Variants in ZNF3 observed in about 807,000 individuals in gnomAD.
The protein encoded by ZNF3 is C2-H2 type zinc finger protein.
Under a neutral mutation model 36.9 loss-of-function variants are expected in ZNF3, and 16 were observed. The observed-to-expected ratio is 0.43, with a 90% CI of 0.29 to 0.66. The LOEUF (loss-of-function observed/expected upper bound fraction) is 0.66, where lower values mean the gene tolerates loss of function less well. ZNF3 is among the 30% of genes least tolerant of loss of function. ZNF3 has a pLI of 0.13. For missense variants in ZNF3, 462 were observed against 543.1 expected (o/e 0.85, Z 1.48); for synonymous variants, 201 against 201.9 (o/e 1.00, Z 0.04).
upstream of ZNF3, among the ~76,000 whole-genome samples, chr7:100,082,098 A>G (rs1795066656): frequency 6.6e-6 from 1 of 152,220 alleles, no homozygotes; most frequent in Non-Finnish European, 1.5e-5. Flanking sequence ...CAGTAAACAT[A>G]CAATTATTGA....
downstream of ZNF3, among the ~76,000 whole-genome samples, chr7:100,068,180 G>T (rs1197579530): frequency 6.6e-6 from 1 of 152,054 alleles, no homozygotes; most frequent in Non-Finnish European, 1.5e-5. Context: ...TCTGCCTCCT[G>T]GGTTCAAGTG....
At chr7:100,073,096 G>A (rs1053301643) in intron 5 of ZNF3, among the ~76,000 whole-genome samples, 4 of 152,156 alleles carry the variant, frequency 2.6e-5, no homozygotes, top group African/African-American at 9.7e-5. Flanking sequence ...GATGGTGGCA[G>A]GATTCAGAAA....
exon 6 of ZNF3, chr7:100,064,232 A>T (rs771203874): frequency 7.4e-5 from 119 of 1,614,044 alleles, no homozygotes; most frequent in Non-Finnish European, 9.7e-5. Flanking sequence ...CAGAGCTCAG[A>T]CCTTCTTAAA....
chr7:100,067,895 G>T (rs1792727842), downstream of ZNF3, among the ~76,000 whole-genome samples: 1 of 152,166 alleles, frequency 6.6e-6, no homozygotes, highest in South Asian at 2.1e-4. Flanking sequence ...GGAGGATGAG[G>T]AGTATAATCA....
At chr7:100,064,722 A>G (rs1792551902) in exon 6 of ZNF3, 4 of 1,611,826 alleles carry the variant, frequency 2.5e-6, no homozygotes, top group African/African-American at 1.3e-5. Context: ...TAGAGTTTGT[A>G]TCACTCAACA....
chr7:100,077,115 C>A, intron 3 of ZNF3, 188 bp downstream of exon 3: 1 of 616,520 alleles, frequency 1.6e-6, no homozygotes, highest in Non-Finnish European at 2.8e-6. Context: ...AATTATCAAA[C>A]CTATCAAGCT....
rs371809963 is a variant in ZNF3 at position 100,064,085 on chromosome 7, G to C, written c.*703C>G. On this transcript the variant is annotated 3_prime_UTR_variant, in exon 6 of 6. Coordinates refer to the ZNF3 transcript ENST00000413658. The stretch of plus-strand genomic sequence containing the variant: ...AGCTCAAATCTCACCAAACACAGGA[G>C]AACACACACTGGGGAGAAACCTTAC... The C allele has an allele frequency of 9.3e-6, 15 of 1,614,064 alleles. No individual in the cohort carries two copies. In the Admixed American group the frequency reaches 1.0e-4, roughly 11 times the overall value.
downstream of ZNF3, among the ~76,000 whole-genome samples, chr7:100,068,121 C>CT (rs1310685068): frequency 6.6e-6 from 1 of 152,010 alleles, no homozygotes; most frequent in East Asian, 2.0e-4. Flanking sequence ...CAGTCTCGCT[C>CT]TGTCACCCAG....
chr7:100,082,422 A>G (rs560474630), upstream of ZNF3: 110 of 152,418 alleles, frequency 7.2e-4, no homozygotes, highest in Middle Eastern at 6.8e-3. Flanking sequence ...CGTCTCGACT[A>G]AAAATACAAA....
chr7:100,071,004 C>T lies in ZNF3; in HGVS notation c.*139G>A, dbSNP rs540579930. The T allele has an allele frequency of 1.1e-4, 163 of 1,461,270 alleles. No individual in the cohort carries two copies. Among genetic ancestry groups the T allele is most frequent in the Non-Finnish European group, 1.4e-4 (156 of 1,111,222 alleles). 90.5% of individuals were successfully genotyped at this position (1,461,270 alleles called of 1,614,324 possible). On this transcript the variant is annotated 3_prime_UTR_variant, in exon 6 of 6. Transcript: ENST00000299667. ...TGGTGTGATTTCTGGGAAAATTCAACGATTTGCCCCATCTGCCCCATTCTC... is the reference window on the plus strand; with the variant it reads ...TGGTGTGATTTCTGGGAAAATTCAATGATTTGCCCCATCTGCCCCATTCTC...
At chr7:100,067,670 G>A (rs188693977), downstream of ZNF3, among the ~76,000 whole-genome samples, 783 of 152,196 alleles carry the variant, frequency 5.1e-3, 5 homozygotes, top group African/African-American at 0.018. Flanking sequence ...CCAGAGTGCT[G>A]AGATTACAGG....
Position 100,070,656 on chromosome 7 carries a change from A to G in ZNF3, c.*487T>C, listed in dbSNP as rs904221050. The G allele has an allele frequency of 4.0e-6, 4 of 990,270 alleles. No individual in the cohort carries two copies. The African/African-American group carries it at 5.2e-5, about 13-fold the overall frequency. The allele number at this position is 990,270 out of a possible 1,614,324, so 61.3% of individuals were successfully genotyped here. On this transcript the variant is annotated 3_prime_UTR_variant, in exon 6 of 6. Coordinates refer to ENST00000299667, the MANE Select transcript of ZNF3 (RefSeq NM_032924.5). ...CCAAATTTCCATAATTAACGAAATCATGAAACAAAACAGCATGTTTCTTAC... is the reference window on the plus strand; with the variant it reads ...CCAAATTTCCATAATTAACGAAATCGTGAAACAAAACAGCATGTTTCTTAC...
At chr7:100,075,705 A>T in intron 3 of ZNF3, 75 bp from the exon 4 acceptor site, 1 of 1,445,454 alleles carries the variant, frequency 6.9e-7, no homozygotes, top group Non-Finnish European at 9.6e-7. Context: ...TTCCCAACCC[A>T]CAGAAAGCTC....
Position 100,075,339 on chromosome 7 carries a change from G to A in ZNF3, c.145-78C>T, listed in dbSNP as rs186645590. 7 of 1,610,886 alleles carry A rather than the reference G, an allele frequency of 4.3e-6. No individual in the cohort carries two copies. The East Asian group carries it at 1.6e-4, about 36-fold the overall frequency. On this transcript the variant is annotated intron_variant, in intron 4 of 5. Transcript: ENST00000299667. The stretch of plus-strand genomic sequence containing the variant: ...GCACCAAAAAAATCACTGAGGATGG[G>A]GTGAAAAATGCACATTTGGGAAGGG...
chr7:100,067,336 A>C (rs1170150911), downstream of ZNF3, among the ~76,000 whole-genome samples: 1 of 152,130 alleles, frequency 6.6e-6, no homozygotes, highest in African/African-American at 2.4e-5. Context: ...TAAGAAATTC[A>C]TTTTAACACA....
At position 100,073,410 on chromosome 7, in the gene ZNF3, G is replaced by A. The variant is rs545301112; in HGVS notation, c.272-1198C>T. 1.8e-4 allele frequency among the ~76,000 whole-genome samples: 27 copies of A among 152,168 alleles called. No homozygotes were observed. The East Asian group carries it at 3.7e-3, about 21-fold the overall frequency. Reference sequence around the variant, plus strand: ...ATCGCCCAGGATGGAGTGCAGTGGCGTGTTCTTGGCTAACTGCAACCTCCA... The same window carrying A: ...ATCGCCCAGGATGGAGTGCAGTGGCATGTTCTTGGCTAACTGCAACCTCCA... On this transcript the variant is annotated intron_variant, in intron 5 of 5. Transcript: ENST00000299667.
rs149908058 is a variant in ZNF3, at chr7:100,071,665, C to G, written c.819G>C (p.Leu273=). 9.5e-5 allele frequency: 154 copies of G among 1,613,576 alleles called. 1 individual carries two copies. The African/African-American group carries it at 1.7e-3, about 18-fold the overall frequency. ...KTFSCSSALI[L]HRRIHTGEKP... is the part of the protein sequence containing the mutation. ...TCTCCCCCGTGTGGATCCTCCGATG[C>G]AGAATGAGGGCAGAGCTACAGCTGA... Residue 273 remains leucine, a synonymous_variant, in exon 6 of 6, where the codon CTG becomes CTC. Coordinates refer to ENST00000299667, the MANE Select transcript of ZNF3 (RefSeq NM_032924.5).
chr7:100,078,366 T>C (rs2116439494), intron 2 of ZNF3, among the ~76,000 whole-genome samples: 1 of 150,972 alleles, frequency 6.6e-6, no homozygotes. Flanking sequence ...CATGGTGGTG[T>C]GTGCCTGTAA....
chr7:100,072,255 AG>A (rs1793302105), intron 5 of ZNF3, 43 bp from the exon 6 acceptor site: 1 of 1,487,130 alleles, frequency 6.7e-7, no homozygotes, highest in African/African-American at 1.4e-5. Flanking sequence ...TCCTTAGGGA[AG>A]AAAGAGTGAA....
Sources: allele counts gnomAD v4.1 joint callset (sites outside exome capture counted in the v4.1 genomes callset), GRCh38; gene constraint gnomAD v4.1.1; transcripts MANE v1.5; gene names NCBI Gene and HGNC (gene_info 2026-07-23, HGNC 2026-07-21).